TAFA1: variants seen among roughly 807,000 people sequenced by gnomAD.
The protein encoded by TAFA1 is TAFA chemokine like family member 1, also known as chemokine-like protein TAFA-1.
A neutral mutation model predicts 18.5 loss-of-function variants in TAFA1; 4 were observed. The observed-to-expected ratio is 0.22, with a 90% CI of 0.11 to 0.49. TAFA1 has a LOEUF of 0.49. Among genes scored for constraint, TAFA1 ranks in the 20% least tolerant of loss-of-function variants. TAFA1 has a pLI of 0.98. For synonymous variants in TAFA1, 56 were observed against 55.2 expected (o/e 1.01, Z -0.06); for missense variants, 147 against 169.0 (o/e 0.87, Z 0.72).
intron 2 of TAFA1, among the ~76,000 whole-genome samples, chr3:68,172,084 T>C (rs972110105): frequency 1.3e-5 from 2 of 152,152 alleles, no homozygotes; most frequent in Non-Finnish European, 2.9e-5. Context: ...TGATGACAAA[T>C]ATTAATCTAC....
intron 3 of TAFA1, among the ~76,000 whole-genome samples, chr3:68,483,684 A>G (rs2072279297): frequency 6.6e-6 from 1 of 152,162 alleles, no homozygotes; most frequent in African/African-American, 2.4e-5. Flanking sequence ...TTTGAAAAAT[A>G]CCTCCCTGAA....
At chr3:68,332,573 A>G (rs1054971461) in intron 2 of TAFA1, among the ~76,000 whole-genome samples, 2 of 152,158 alleles carry the variant, frequency 1.3e-5, no homozygotes, top group Admixed American at 1.3e-4. Flanking sequence ...CAAAAACAAA[A>G]TTTTTTAAAT....
intron 3 of TAFA1, among the ~76,000 whole-genome samples, chr3:68,461,403 C>CATATATATATATATAT (rs2071779222): frequency 9.2e-6 from 1 of 109,036 alleles, no homozygotes; most frequent in Admixed American, 8.9e-5. Flanking sequence ...ATATCCATCC[C>CATATATATATATATAT]ATCTAGAGAT....
intron 2 of TAFA1, among the ~76,000 whole-genome samples, chr3:68,168,092 G>A (rs2066006836): frequency 7.9e-6 from 1 of 126,124 alleles, no homozygotes; most frequent in Admixed American, 9.2e-5. Flanking sequence ...AATTTTATGA[G>A]TTTTGAAACT....
intron 2 of TAFA1, among the ~76,000 whole-genome samples, chr3:68,151,713 A>G (rs2065808604): frequency 6.6e-6 from 1 of 152,206 alleles, no homozygotes; most frequent in Non-Finnish European, 1.5e-5. Context: ...ATTTATAAGG[A>G]CAGATCCCTT....
intron 3 of TAFA1, among the ~76,000 whole-genome samples, chr3:68,477,277 G>A (rs1319943534): frequency 6.6e-6 from 1 of 151,820 alleles, no homozygotes; most frequent in Non-Finnish European, 1.5e-5. Context: ...TTACTATATA[G>A]AATTCCACAG....
intron 3 of TAFA1, among the ~76,000 whole-genome samples, chr3:68,464,165 A>C (rs2071837843): frequency 6.6e-6 from 1 of 152,142 alleles, no homozygotes; most frequent in Admixed American, 6.6e-5. Context: ...AGCACCTACC[A>C]TGTACCAGAG....
intron 2 of TAFA1, among the ~76,000 whole-genome samples, chr3:68,179,378 A>G (rs142986174): frequency 6.6e-6 from 1 of 152,360 alleles, no homozygotes; most frequent in East Asian, 1.9e-4. Context: ...GTATTACAGA[A>G]TGAAAGTGGA....
intron 2 of TAFA1, among the ~76,000 whole-genome samples, chr3:68,255,422 G>A (rs1289804334): frequency 6.6e-6 from 1 of 152,082 alleles, no homozygotes; most frequent in Non-Finnish European, 1.5e-5. Context: ...ACTCTTCAGT[G>A]TACCAAGGAA....
intron 2 of TAFA1, among the ~76,000 whole-genome samples, chr3:68,273,571 C>G (rs966070015): frequency 1.3e-5 from 2 of 152,078 alleles, no homozygotes; most frequent in Non-Finnish European, 2.9e-5. Context: ...AAGAGAACAA[C>G]CTGAAGGCAG....
chr3:68,305,935 A>G (rs2068410956), intron 2 of TAFA1, among the ~76,000 whole-genome samples: 1 of 152,224 alleles, frequency 6.6e-6, no homozygotes, highest in Admixed American at 6.5e-5. Context: ...GAGCAAATAC[A>G]GCACCTAGAA....
intron 2 of TAFA1, among the ~76,000 whole-genome samples, chr3:68,205,661 T>G (rs2066518056): frequency 6.6e-6 from 1 of 151,810 alleles, no homozygotes; most frequent in Non-Finnish European, 1.5e-5. Context: ...TGTTTGCAAT[T>G]GGCATGAATT....
chr3:68,476,660 C>T (rs964029558), intron 3 of TAFA1, among the ~76,000 whole-genome samples: 25 of 152,202 alleles, frequency 1.6e-4, no homozygotes, highest in Admixed American at 1.4e-3. Context: ...TATGCTGTGA[C>T]CTGGGGCCAC....
At chr3:68,056,069 C>T (rs185260227) in intron 2 of TAFA1, among the ~76,000 whole-genome samples, 46 of 152,248 alleles carry the variant, frequency 3.0e-4, no homozygotes, top group African/African-American at 9.6e-4. Flanking sequence ...TGGCCAATGC[C>T]ACCCTATCTC....
chr3:68,288,229 G>A (rs1559600846), intron 2 of TAFA1, among the ~76,000 whole-genome samples: 1 of 152,188 alleles, frequency 6.6e-6, no homozygotes, highest in African/African-American at 2.4e-5. Flanking sequence ...TGCTCACTCC[G>A]CAGTGCAAAA....
At chr3:68,277,981 T>C (rs10048986) in intron 2 of TAFA1, among the ~76,000 whole-genome samples, 30,729 of 152,154 alleles carry the variant, frequency 0.2, 3,243 homozygotes, top group Middle Eastern at 0.27. Flanking sequence ...CTCAAAATTA[T>C]TGTTATTACA....
At chr3:67,999,287 C>CTGTGTGTGTGTGTG (rs796820506), upstream of TAFA1, among the ~76,000 whole-genome samples, 11,242 of 146,902 alleles carry the variant, frequency 0.077, 454 homozygotes, top group South Asian at 0.091. Context: ...CCCCCTCTCT[C>CTGTGTGTGTGTGTG]TGTGTGTGTG....
chr3:68,126,410 A>T (rs796888584), intron 2 of TAFA1, among the ~76,000 whole-genome samples: 1 of 152,190 alleles, frequency 6.6e-6, no homozygotes, highest in Non-Finnish European at 1.5e-5. Context: ...GGATGTCAAA[A>T]TCTTCCTTGG....
Position 68,449,337 on chromosome 3 carries a change from A to G in TAFA1, c.259+31917A>G, listed in dbSNP as rs1405350684. 4.6e-5 allele frequency among the ~76,000 whole-genome samples: 7 copies of G among 152,144 alleles called. No homozygotes were observed. The East Asian group carries it at 1.2e-3, about 25-fold the overall frequency. The stretch of plus-strand genomic sequence containing the variant: ...AGACTCATTTCATCATTTCCAAAAC[A>G]TGAAGTACCAAAGACAAAAGGGGAG... On this transcript the variant is annotated intron_variant, in intron 3 of 4. Transcript: ENST00000478136.
Sources: gnomAD v4.1 joint callset for allele counts (sites outside exome capture counted in the v4.1 genomes callset) on GRCh38, gnomAD v4.1.1 for gene constraint, MANE v1.5 for transcripts, NCBI Gene and HGNC (gene_info 2026-07-23, HGNC 2026-07-21) for gene names.